The following BCL7A variants were observed in gnomAD, a reference collection of about 807,000 sequenced individuals.
The protein encoded by BCL7A is B-cell CLL/lymphoma 7 protein family member A.
A neutral mutation model predicts 28.4 loss-of-function variants in BCL7A; 11 were observed. The observed-to-expected ratio is 0.39, with a 90% CI of 0.24 to 0.64. The LOEUF (loss-of-function observed/expected upper bound fraction) is 0.64. Ranked by LOEUF, BCL7A falls within the 30% of genes least tolerant of loss-of-function variation. BCL7A has a pLI of 0.50. For missense variants in BCL7A, 222 were observed against 274.8 expected (o/e 0.81, Z 1.36); for synonymous variants, 123 against 103.3 (o/e 1.19, Z -1.15).
intron 1 of BCL7A, among the ~76,000 whole-genome samples, chr12:122,030,070 AATC>A (rs1358123411): frequency 1.1e-4 from 16 of 152,068 alleles, no homozygotes; most frequent in Non-Finnish European, 2.4e-4. Context: ...AGGAGCCCTG[AATC>A]AGGGGTGCAG....
intron 4 of BCL7A, among the ~76,000 whole-genome samples, chr12:122,046,399 G>A (rs1258052783): frequency 6.6e-6 from 1 of 152,164 alleles, no homozygotes; most frequent in Non-Finnish European, 1.5e-5. Flanking sequence ...TGTGTGTCCT[G>A]GGAGCAGCCA....
At chr12:122,025,352 G>A (rs1232624328) in intron 1 of BCL7A, among the ~76,000 whole-genome samples, 2 of 152,098 alleles carry the variant, frequency 1.3e-5, no homozygotes, top group East Asian at 1.9e-4. Context: ...AGAGCCGGGC[G>A]CGGTGGCTCA....
Position 122,044,011 on chromosome 12 carries a change from G to A in BCL7A, c.397G>A (p.Asp133Asn). 2 of 1,613,916 alleles carry A rather than the reference G, an allele frequency of 1.2e-6. No individual in the cohort carries two copies. Among genetic ancestry groups the A allele is most frequent in the East Asian group, 2.2e-5 (1 of 44,874 alleles). Residue 133 changes from aspartate (D) to asparagine (N), a missense_variant, in exon 4 of 6, where the codon GAT becomes AAT. This residue lies in a region of BCL7A where 155 missense variants were observed against 145.7 expected (regional missense o/e 1.06). Coordinates refer to ENST00000261822, the MANE Select transcript of BCL7A (RefSeq NM_001024808.3). ...CAGCGACGGCACCGAGGCCAAGGTG[G>A]ATGAGGCCCAGGCTGATGGGAAGGA... ...VPSDGTEAKVDEAQADGKEHP... is the reference protein window; with the variant it reads ...VPSDGTEAKVNEAQADGKEHP...
At chr12:122,049,078 A>G (rs1018154158) in intron 4 of BCL7A, among the ~76,000 whole-genome samples, 1 of 146,536 alleles carries the variant, frequency 6.8e-6, no homozygotes, top group African/African-American at 2.5e-5. Flanking sequence ...ACAAAAAAAA[A>G]TACATAAAAC....
chr12:122,030,046 C>A (rs1355814711), intron 1 of BCL7A, among the ~76,000 whole-genome samples: 1 of 152,174 alleles, frequency 6.6e-6, no homozygotes, highest in Non-Finnish European at 1.5e-5. Context: ...GGTGACCTTG[C>A]AGACAGGGTC....
chr12:122,024,483 C>T (rs1354283298), intron 1 of BCL7A, among the ~76,000 whole-genome samples: 5 of 142,628 alleles, frequency 3.5e-5, no homozygotes, highest in Non-Finnish European at 7.6e-5. Flanking sequence ...TTTTTGGCCC[C>T]TTCTAAGCGA....
chr12:122,041,817 C>T (rs1883970479), intron 3 of BCL7A, among the ~76,000 whole-genome samples: 1 of 152,058 alleles, frequency 6.6e-6, no homozygotes, highest in African/African-American at 2.4e-5. Flanking sequence ...CCTGTAATCC[C>T]AGCACTTTGG....
intron 4 of BCL7A, among the ~76,000 whole-genome samples, chr12:122,054,602 C>A (rs908338667): frequency 6.6e-6 from 1 of 152,144 alleles, no homozygotes; most frequent in Non-Finnish European, 1.5e-5. Context: ...CGCCAGGGTC[C>A]GTGTGTGACC....
In BCL7A at chr12:122,060,489, G is replaced by A. The variant is rs542656302; in HGVS notation, c.*1326G>A. ...CTGGAACAGCTTCCTCTCACTGAAC[G>A]GAGACGCCCCCTTGGACGAACTGCC... is the stretch of plus-strand genomic sequence containing the variant. On this transcript the variant is annotated 3_prime_UTR_variant, in exon 6 of 6. Transcript: ENST00000261822. The A allele has an allele frequency of 1.2e-4, 28 of 229,782 alleles. No individual in the cohort carries two copies. In the South Asian group the frequency reaches 4.4e-3, roughly 36 times the overall value. 14.2% of individuals were successfully genotyped at this position (229,782 alleles called of 1,614,324 possible). A position where few individuals can be genotyped will look rare whatever the true frequency, so the allele number is the denominator to read the frequency against.
At chr12:122,052,880 G>A (rs1446760069) in intron 4 of BCL7A, among the ~76,000 whole-genome samples, 2 of 130,574 alleles carry the variant, frequency 1.5e-5, no homozygotes, top group East Asian at 2.5e-4. Flanking sequence ...GGGGGGGGGG[G>A]GGGTTTGCCA....
At chr12:122,041,737 C>A (rs1883969326) in intron 3 of BCL7A, among the ~76,000 whole-genome samples, 1 of 152,130 alleles carries the variant, frequency 6.6e-6, no homozygotes, top group Non-Finnish European at 1.5e-5. Flanking sequence ...GTACTCCAGC[C>A]TGGGCAACAG....
Position 122,021,953 on chromosome 12 carries a change from T to G in BCL7A, c.-139T>G, listed in dbSNP as rs892028756. The G allele has an allele frequency of 1.7e-6, 1 of 596,250 alleles. No homozygotes were observed. Among genetic ancestry groups the G allele is most frequent in the Non-Finnish European group, 3.0e-6 (1 of 334,302 alleles). 36.9% of individuals were successfully genotyped at this position (596,250 alleles called of 1,614,324 possible). On this transcript the variant is annotated 5_prime_UTR_variant, in exon 1 of 6. Transcript: ENST00000261822. ...GTATGTGTGTGTGTGTGTGTGTGTG[T>G]GTGTGAGTGTGTGCGTGTGAGAGTG...
chr12:122,053,388 G>A (rs1047474281), intron 4 of BCL7A, among the ~76,000 whole-genome samples: 5 of 152,118 alleles, frequency 3.3e-5, no homozygotes, highest in African/African-American at 9.7e-5. Flanking sequence ...TCTGTGTCCC[G>A]GCCTGTCCCA....
chr12:122,060,893 G>GAAA lies in BCL7A; in HGVS notation c.*1740_*1742dup. 1 of 189,268 alleles carries GAAA rather than the reference G, an allele frequency of 5.3e-6. No homozygotes were observed. The highest frequency in any genetic ancestry group is 1.1e-5 in the Non-Finnish European group (1 of 94,320). The allele number at this position is 189,268 out of a possible 1,614,324, so 11.7% of individuals were successfully genotyped here. On this transcript the variant is annotated 3_prime_UTR_variant, in exon 6 of 6. Transcript: ENST00000261822. ...ATGCAAAATGTCTCCTGAAATAAGG[G>GAAA]AAAAAAAAAAAACCACAACTTTGAA...
At position 122,025,622 on chromosome 12, in the gene BCL7A, A is replaced by G. The variant is rs180963817; in HGVS notation, c.92+3439A>G. ...AGCCTGGGCAACAGAGCGAGACTCC[A>G]TCTCAAAAAAAAAAAAGAAGAAGAA... On this transcript the variant is annotated intron_variant, in intron 1 of 5. Coordinates refer to ENST00000261822, the MANE Select transcript of BCL7A (RefSeq NM_001024808.3). Among the ~76,000 whole-genome samples the G allele has an allele frequency of 3.7e-3, 551 of 149,542 alleles. 1 individual carries two copies. The highest frequency in any genetic ancestry group is 6.4e-3 in the Non-Finnish European group (429 of 67,270).
chr12:122,022,091 C>A lies in BCL7A; in HGVS notation c.-1C>A. On this transcript the variant is annotated 5_prime_UTR_variant, in exon 1 of 6. Transcript: ENST00000261822. Reference sequence around the variant, plus strand: ...CCAGCCTCCGTCTCCCCGCCGGAACCATGTCGGGCAGGTCGGTTCGAGCCG... The same window carrying A: ...CCAGCCTCCGTCTCCCCGCCGGAACAATGTCGGGCAGGTCGGTTCGAGCCG... 1 of 1,566,224 alleles carries A rather than the reference C, an allele frequency of 6.4e-7. No homozygotes were observed. Among genetic ancestry groups the A allele is most frequent in the Admixed American group, 1.8e-5 (1 of 56,324 alleles).
chr12:122,030,865 C>T lies in BCL7A; in HGVS notation c.174+84C>T. On this transcript the variant is annotated intron_variant, in intron 2 of 5. Coordinates refer to ENST00000261822, the MANE Select transcript of BCL7A (RefSeq NM_001024808.3). Reference sequence around the variant, plus strand: ...GGGGAGGGAGATTGTCCACTGCTACCCACCGTGCTGGGGCTCTGGGACCAA... The same window carrying T: ...GGGGAGGGAGATTGTCCACTGCTACTCACCGTGCTGGGGCTCTGGGACCAA... 2.9e-6 allele frequency: 4 copies of T among 1,391,926 alleles called. No homozygotes were observed. In the South Asian group the frequency reaches 4.7e-5, roughly 16 times the overall value. 86.2% of individuals were successfully genotyped at this position (1,391,926 alleles called of 1,614,324 possible). A position where few individuals can be genotyped will look rare whatever the true frequency, so the allele number is the denominator to read the frequency against.
intron 5 of BCL7A, 104 bp downstream of exon 5, chr12:122,055,030 G>GT: frequency 6.3e-7 from 1 of 1,598,810 alleles, no homozygotes; most frequent in South Asian, 1.1e-5. Flanking sequence ...TTGTTGTTTT[G>GT]TCGTTGGACC....
chr12:122,053,753 A>G (rs1593036709), intron 4 of BCL7A, among the ~76,000 whole-genome samples: 1 of 143,896 alleles, frequency 6.9e-6, no homozygotes, highest in African/African-American at 2.6e-5. Flanking sequence ...AGCAGCAGGA[A>G]GACAGGCATG....
Sources: gnomAD v4.1 joint callset for allele counts (sites outside exome capture counted in the v4.1 genomes callset) on GRCh38, gnomAD v4.1.1 for gene constraint, gnomAD v4.1.1 regional missense constraint, MANE v1.5 for transcripts, NCBI Gene and HGNC (gene_info 2026-07-23, HGNC 2026-07-21) for gene names.